The following FAM228B variants were observed in gnomAD, a reference collection of about 807,000 sequenced individuals.
The protein encoded by FAM228B is protein FAM228B.
FAM228B carries 38 observed loss-of-function variants against 42.6 expected under a neutral mutation model. The observed-to-expected ratio is 0.89, with a 90% CI of 0.69 to 1.17. The LOEUF is 1.17. FAM228B is among the 50% of genes most tolerant of loss of function. The pLI is 0.00. For synonymous variants in FAM228B, 109 were observed against 122.3 expected, an observed-to-expected ratio of 0.89 and a Z score of 0.72; for missense variants, 344 against 367.3, an observed-to-expected ratio of 0.94 and a Z score of 0.52.
chr2:24,123,711 G>A (rs1003794072), intron 1 of FAM228B, among the ~76,000 whole-genome samples, 178 bp downstream of exon 1: 3 of 151,516 alleles, frequency 2.0e-5, no homozygotes, highest in Non-Finnish European at 4.4e-5. Flanking sequence ...GCCAGGCCGG[G>A]CGGTCCCCGC....
intron 5 of FAM228B, among the ~76,000 whole-genome samples, chr2:24,145,013 A>G (rs1042882005): frequency 6.6e-6 from 1 of 152,116 alleles, no homozygotes; most frequent in Admixed American, 6.5e-5. Context: ...GCCACTGCCA[A>G]CACCCGTGTG....
chr2:24,083,017 C>T (rs752346417), intron 2 of FAM228B: 12 of 1,614,018 alleles, frequency 7.4e-6, no homozygotes, highest in Admixed American at 6.7e-5. Context: ...TGGCCCCCAC[C>T]GGGGAGCAGA....
At chr2:24,106,855 A>G (rs1331692667) in intron 3 of FAM228B, among the ~76,000 whole-genome samples, 1 of 148,100 alleles carries the variant, frequency 6.8e-6, no homozygotes, top group African/African-American at 2.5e-5. Flanking sequence ...TAGTGACACT[A>G]TAAATCAACC....
At position 24,113,139 on chromosome 2, in the gene FAM228B, T is replaced by C. The variant is rs540479022; in HGVS notation, c.-121+17910T>C. On this transcript the variant is annotated intron_variant, in intron 3 of 10. Transcript: ENST00000613899. Reference sequence around the variant, plus strand: ...GATGTATTATTTACTGTTGTATCATTACTACCTAGCACAAAGCCGACTATG... The same window carrying C: ...GATGTATTATTTACTGTTGTATCATCACTACCTAGCACAAAGCCGACTATG... 3.3e-5 allele frequency among the ~76,000 whole-genome samples: 5 copies of C among 152,282 alleles called. No homozygotes were observed. In the South Asian group the frequency reaches 1.0e-3, roughly 32 times the overall value.
intron 5 of FAM228B, among the ~76,000 whole-genome samples, chr2:24,145,852 C>T (rs1666882398): frequency 6.6e-6 from 1 of 152,022 alleles, no homozygotes; most frequent in African/African-American, 2.4e-5. Flanking sequence ...CCACGCCTGG[C>T]TAAATTTTTT....
chr2:24,115,729 T>C (rs1665893946), intron 3 of FAM228B: 1 of 1,093,744 alleles, frequency 9.1e-7, no homozygotes, highest in Non-Finnish European at 1.4e-6. Flanking sequence ...TGCTAGGCAC[T>C]GTGCTAGGTA....
chr2:24,139,424 A>G lies in FAM228B; in HGVS notation c.415A>G (p.Ser139Gly). Residue 139 changes from serine (S) to glycine (G), a missense_variant, in exon 5 of 11, where the codon AGC (serine) becomes GGC (glycine). Coordinates refer to ENST00000615575, the MANE Select transcript of FAM228B (RefSeq NM_001145710.2). ...AAAAGAGTATGATCCCTTTTATATG[A>G]GCAAGAAGGACCCCAATTTTCTGAA... is the stretch of plus-strand genomic sequence containing the variant. ...DPKEYDPFYMSKKDPNFLKVT... is the reference protein window; with the variant it reads ...DPKEYDPFYMGKKDPNFLKVT... 1.3e-6 allele frequency: 2 copies of G among 1,547,666 alleles called. No homozygotes were observed. Among genetic ancestry groups the G allele is most frequent in the Non-Finnish European group, 1.7e-6 (2 of 1,143,788 alleles).
intron 3 of FAM228B, among the ~76,000 whole-genome samples, chr2:24,109,177 A>AC (rs1224517431): frequency 6.6e-6 from 1 of 151,484 alleles, no homozygotes; most frequent in Non-Finnish European, 1.5e-5. Flanking sequence ...ATGGCAAAAA[A>AC]AAAAAAAAAA....
intron 5 of FAM228B, among the ~76,000 whole-genome samples, chr2:24,139,848 TTCTATATG>T (rs1666703601): frequency 6.6e-6 from 1 of 152,204 alleles, no homozygotes. Flanking sequence ...CTAGACTTCT[TTCTATATG>T]TGTGTATGTA....
At chr2:24,139,271 A>G (rs186214313) in intron 4 of FAM228B, 99 bp from the exon 5 acceptor site, 4 of 546,572 alleles carry the variant, frequency 7.3e-6, no homozygotes, top group African/African-American at 3.9e-5. Context: ...GCTTTCAAGC[A>G]TAAGAATGAT....
chr2:24,159,790 T>C (rs1478706093), intron 7 of FAM228B, among the ~76,000 whole-genome samples: 1 of 152,204 alleles, frequency 6.6e-6, no homozygotes, highest in Non-Finnish European at 1.5e-5. Flanking sequence ...AGCACACGAT[T>C]CTAGATTGAC....
upstream of FAM228B, chr2:24,121,136 A>G (rs768465074): frequency 6.2e-7 from 1 of 1,612,902 alleles, no homozygotes; most frequent in Admixed American, 1.7e-5. Flanking sequence ...TCTTTTACTC[A>G]GCTCTCTTCA....
Position 24,077,861 on chromosome 2 carries a change from G to A in FAM228B, c.-290+892G>A. On this transcript the variant is annotated intron_variant, in intron 1 of 10. Transcript: ENST00000613899. The surrounding 1 kb of genome is among the most constrained non-coding windows in gnomAD (Gnocchi z 5.5). ...TTGCTCTCTCTGAAGCCACGTATCT[G>A]AAAAAGCACACAGGGACACTTAACC... The A allele has an allele frequency of 7.4e-7, 1 of 1,347,118 alleles. No homozygotes were observed. The highest frequency in any genetic ancestry group is 2.3e-5 in the East Asian group (1 of 43,132). 83.4% of individuals were successfully genotyped at this position (1,347,118 alleles called of 1,614,324 possible). A position where few individuals can be genotyped will look rare whatever the true frequency, so the allele number is the denominator to read the frequency against.
At chr2:24,166,958 G>A (rs1314217314) in intron 9 of FAM228B, among the ~76,000 whole-genome samples, 1 of 152,056 alleles carries the variant, frequency 6.6e-6, no homozygotes, top group Non-Finnish European at 1.5e-5. Context: ...GCTGAGAGAG[G>A]GCGGGAGGTG....
chr2:24,116,474 A>G (rs1460110812), intron 3 of FAM228B, among the ~76,000 whole-genome samples: 2 of 151,930 alleles, frequency 1.3e-5, no homozygotes, highest in African/African-American at 4.8e-5. Flanking sequence ...CTACAGGTGC[A>G]CTCCACCATG....
At chr2:24,115,449 A>T in intron 3 of FAM228B, 1 of 702,860 alleles carries the variant, frequency 1.4e-6, no homozygotes, top group Non-Finnish European at 2.4e-6. Context: ...AAGTAATAAA[A>T]ATTGCTCCCT....
chr2:24,090,056 G>A (rs569775132), intron 2 of FAM228B, among the ~76,000 whole-genome samples: 21 of 149,670 alleles, frequency 1.4e-4, no homozygotes, highest in African/African-American at 4.2e-4. Context: ...GGCGGATCAC[G>A]AGGTCAGGAG....
chr2:24,112,779 C>G (rs1331677185), intron 3 of FAM228B, among the ~76,000 whole-genome samples: 1 of 152,132 alleles, frequency 6.6e-6, no homozygotes, highest in Non-Finnish European at 1.5e-5. Flanking sequence ...TATTTTGGCT[C>G]TATCCATCTT....
intron 9 of FAM228B, chr2:24,165,560 T>A: frequency 2.3e-6 from 1 of 444,062 alleles, no homozygotes; most frequent in South Asian, 1.6e-5. Context: ...TAGCAGCAGC[T>A]GTCAACCTCT....
Sources: gnomAD v4.1 joint callset for allele counts (sites outside exome capture counted in the v4.1 genomes callset) on GRCh38, gnomAD v4.1.1 for gene constraint, Gnocchi (gnomAD v3.1) non-coding constraint, MANE v1.5 for transcripts, NCBI Gene and HGNC (gene_info 2026-07-23, HGNC 2026-07-21) for gene names.